RNF31: variants seen among roughly 807,000 people sequenced by gnomAD.
RNF31 encodes the protein ring finger protein 31.
A neutral mutation model predicts 133.6 loss-of-function variants in RNF31; 38 were observed. That is an observed-to-expected ratio of 0.28 (90% CI 0.22 to 0.37). The LOEUF (loss-of-function observed/expected upper bound fraction) is 0.37. Ranked by LOEUF, RNF31 falls within the 10% of genes least tolerant of loss-of-function variation. The probability of loss-of-function intolerance (pLI) is 1.00; values close to 1 mark genes in which losing one functional copy is unlikely to be tolerated. For missense variants in RNF31, 1,118 were observed against 1,394.1 expected, an observed-to-expected ratio of 0.80 and a Z score of 3.15; for synonymous variants, 582 against 552.3, an observed-to-expected ratio of 1.05 and a Z score of -0.75.
rs753936606 is a variant in RNF31, at chr14:24,151,334, C to T, written c.1692C>T (p.Asn564=). Residue 564 remains asparagine, a synonymous_variant, in exon 9 of 21, where the codon AAC becomes AAT. Coordinates refer to ENST00000324103, the MANE Select transcript of RNF31 (RefSeq NM_017999.5). The surrounding 1 kb of genome is among the most constrained non-coding windows in gnomAD (Gnocchi z 5.3). The part of the protein sequence containing the change: ...ARRAWLDRHG[N]LDEAVEECVR... ...GAGCCTGGCTGGATCGTCATGGCAA[C>T]CTTGATGAAGCTGTGGAGGAGTGTG... 3 of 1,614,072 alleles carry T rather than the reference C, an allele frequency of 1.9e-6. No individual in the cohort carries two copies. The Admixed American group carries it at 5.0e-5, about 27-fold the overall frequency.
chr14:24,158,259 A>T, intron 18 of RNF31, 60 bp downstream of exon 18: 1 of 1,525,126 alleles, frequency 6.6e-7, no homozygotes, highest in Non-Finnish European at 9.1e-7. Flanking sequence ...CCACCGTGTG[A>T]TGGGTAAAGG....
chr14:24,148,998 T>C, intron 5 of RNF31, 122 bp downstream of exon 5: 1 of 971,172 alleles, frequency 1.0e-6, no homozygotes, highest in Non-Finnish European at 1.6e-6. Context: ...AGTTTTGCTC[T>C]TGTTGCCCAG....
At chr14:24,152,808 G>A (rs185535745) in intron 11 of RNF31, among the ~76,000 whole-genome samples, 3 of 152,294 alleles carry the variant, frequency 2.0e-5, no homozygotes, top group East Asian at 3.9e-4. Context: ...CAGGCTGGGC[G>A]CGGTGGCTCA....
chr14:24,150,783 C>T lies in RNF31; in HGVS notation c.1383C>T (p.Pro461=). Residue 461 remains proline (P), a synonymous_variant, in exon 8 of 21, where the codon CCC becomes CCT. Coordinates refer to ENST00000324103, the MANE Select transcript of RNF31 (RefSeq NM_017999.5). Reference sequence around the variant, plus strand: ...AAAAGGGACCCCCCAAGCCTGGGCCCCCACGACGCCTTAGTGCCCCCCTGC... The same window carrying T: ...AAAAGGGACCCCCCAAGCCTGGGCCTCCACGACGCCTTAGTGCCCCCCTGC... ...SLEKGPPKPG[P]PRRLSAPLPS... is the part of the protein sequence containing the mutation. 1.9e-6 allele frequency: 3 copies of T among 1,611,020 alleles called. No individual in the cohort carries two copies. Among genetic ancestry groups the T allele is most frequent in the South Asian group, 2.2e-5 (2 of 90,864 alleles).
chr14:24,156,944 T>C (rs1257034633), intron 14 of RNF31, among the ~76,000 whole-genome samples: 1 of 152,028 alleles, frequency 6.6e-6, no homozygotes, highest in Non-Finnish European at 1.5e-5. Context: ...ATGGGGAGAA[T>C]TGACCCTAGG....
At chr14:24,149,154 G>T in intron 5 of RNF31, 1 of 593,480 alleles carries the variant, frequency 1.7e-6, no homozygotes, top group Middle Eastern at 4.5e-4. Context: ...GTAGAGATGG[G>T]GTTTCTCCAT....
chr14:24,151,884 G>A lies in RNF31; in HGVS notation c.2022G>A (p.Glu674=), dbSNP rs941943409. The A allele has an allele frequency of 1.2e-6, 2 of 1,614,228 alleles. No individual in the cohort carries two copies. The highest frequency in any genetic ancestry group is 1.7e-6 in the Non-Finnish European group (2 of 1,180,042). ...SLLQETPRNY[E]LGDVVEAVRH... ...TGCAGGAGACACCCAGGAACTATGA[G>A]TTGGGGGATGTGGTAGAAGCTGTGA... Residue 674 remains glutamate, a synonymous_variant, in exon 11 of 21, where the codon GAG becomes GAA. Coordinates refer to ENST00000324103, the MANE Select transcript of RNF31 (RefSeq NM_017999.5). This position sits in a 1 kb window ranked among gnomAD's most constrained non-coding sequence, Gnocchi z 5.3.
intron 18 of RNF31, among the ~76,000 whole-genome samples, chr14:24,158,877 CA>C (rs1382490498): frequency 6.6e-6 from 1 of 150,734 alleles, no homozygotes; most frequent in East Asian, 1.9e-4. Flanking sequence ...ACTAAAAATA[CA>C]AAAAATTAGC....
intron 14 of RNF31, among the ~76,000 whole-genome samples, chr14:24,156,684 C>T (rs1343910348): frequency 1.3e-5 from 2 of 151,642 alleles, no homozygotes; most frequent in African/African-American, 4.8e-5. Context: ...GAGGCTGAGG[C>T]AGGAGAATCG....
At chr14:24,159,584 C>CAAAAAA (rs59295225) in intron 18 of RNF31, among the ~76,000 whole-genome samples, 9 of 82,176 alleles carry the variant, frequency 1.1e-4, no homozygotes, top group South Asian at 4.0e-4. Flanking sequence ...AAATAACAAC[C>CAAAAAA]AAAAAAAAAA....
In RNF31 at chr14:24,160,464, T is replaced by G; in HGVS notation, c.3166-56T>G. 6.3e-7 allele frequency: 1 copy of G among 1,583,528 alleles called. No homozygotes were observed. Among genetic ancestry groups the G allele is most frequent in the East Asian group, 2.3e-5 (1 of 44,322 alleles). Reference sequence around the variant, plus strand: ...CCACCCTACAGAAGTCACCTGGTGCTGACTGTGTCTGAGCTCCAGGCTTCC... The same window carrying G: ...CCACCCTACAGAAGTCACCTGGTGCGGACTGTGTCTGAGCTCCAGGCTTCC... On this transcript the variant is annotated intron_variant, in intron 20 of 20. Coordinates refer to ENST00000324103, the MANE Select transcript of RNF31 (RefSeq NM_017999.5). The surrounding 1 kb of genome is among the most constrained non-coding windows in gnomAD (Gnocchi z 4.0).
At chr14:24,158,599 GT>G (rs1167955838) in intron 18 of RNF31, 2 of 214,802 alleles carry the variant, frequency 9.3e-6, no homozygotes, top group African/African-American at 4.6e-5. Context: ...GTAGACAGAG[GT>G]AAGTCTACAG....
chr14:24,149,465 T>G lies in RNF31; in HGVS notation c.691T>G (p.Ser231Ala). The G allele has an allele frequency of 6.2e-7, 1 of 1,614,166 alleles. No individual in the cohort carries two copies. The highest frequency in any genetic ancestry group is 8.5e-7 in the Non-Finnish European group (1 of 1,180,024). ...TGCCCCAGGCACACTGCACTGCCCA[T>G]CCTGTAAACAGGCCCTGTGTCCAGC... ...GSAPGTLHCPSCKQALCPACD... is the reference protein window; with the variant it reads ...GSAPGTLHCPACKQALCPACD... The change falls in exon 6 of 21, where the codon TCC becomes GCC. Residue 231 changes from serine (S) to alanine (A), a missense_variant. Physicochemically the swap from Ser to Ala is moderately conservative, Grantham distance 99. Transcript: ENST00000324103.
intron 18 of RNF31, among the ~76,000 whole-genome samples, chr14:24,159,301 T>G (rs1033668780): frequency 4.8e-5 from 7 of 146,274 alleles, no homozygotes; most frequent in Non-Finnish European, 7.4e-5. Flanking sequence ...GAGCCAAGAT[T>G]GCGCCATTGC....
Position 24,147,963 on chromosome 14 carries a change from T to A in RNF31, c.193-13T>A. On this transcript the variant is annotated splice_polypyrimidine_tract_variant and intron_variant, in intron 1 of 20. Transcript: ENST00000324103. Reference sequence around the variant, plus strand: ...AGGCCACGCTCACACCTCTCTGCTCTCCTTGCTCCCAGCCCCGAAACTACC... The same window carrying A: ...AGGCCACGCTCACACCTCTCTGCTCACCTTGCTCCCAGCCCCGAAACTACC... The A allele has an allele frequency of 6.2e-7, 1 of 1,614,188 alleles. No homozygotes were observed. Among genetic ancestry groups the A allele is most frequent in the Non-Finnish European group, 8.5e-7 (1 of 1,180,030 alleles).
chr14:24,155,114 C>G lies in RNF31; in HGVS notation c.2131-43C>G, dbSNP rs1334595077. ...CACTGCCTCTTCCCTAGCCTGGCAG[C>G]TGTGGCTTCTGACCCCCTCCCCTCC... is the stretch of plus-strand genomic sequence containing the variant. On this transcript the variant is annotated intron_variant, in intron 11 of 20. Transcript: ENST00000324103. The surrounding 1 kb of genome is among the most constrained non-coding windows in gnomAD (Gnocchi z 4.9). 1 of 1,591,778 alleles carries G rather than the reference C, an allele frequency of 6.3e-7. No individual in the cohort carries two copies.
Position 24,150,768 on chromosome 14 carries a change from C to T in RNF31, c.1368C>T (p.Pro456=), listed in dbSNP as rs780232998. The stretch of plus-strand genomic sequence containing the variant: ...ATGCCAGCTCTTTGGAAAAGGGACC[C>T]CCCAAGCCTGGGCCCCCACGACGCC... ...RPYASSLEKG[P]PKPGPPRRLS... The change falls in exon 8 of 21, where the codon CCC becomes CCT. Residue 456 remains proline (P), a synonymous_variant. Coordinates refer to ENST00000324103, the MANE Select transcript of RNF31 (RefSeq NM_017999.5). 2.5e-6 allele frequency: 4 copies of T among 1,612,426 alleles called. No homozygotes were observed. The highest frequency in any genetic ancestry group is 3.4e-6 in the Non-Finnish European group (4 of 1,179,014).
chr14:24,157,556 G>T lies in RNF31; in HGVS notation c.2645G>T (p.Arg882Leu), dbSNP rs781285193. Residue 882 changes from arginine to leucine, a missense_variant, in exon 16 of 21, where the codon CGA becomes CTA. Arg to Leu is a moderately radical substitution (Grantham distance 102). Transcript: ENST00000324103. ...TGCAAGTTCTCGTACGCCCTGGCCCGAGGAGGCTGCATGCACTTTCACTGT... is the reference window on the plus strand; with the variant it reads ...TGCAAGTTCTCGTACGCCCTGGCCCTAGGAGGCTGCATGCACTTTCACTGT... The part of the protein sequence containing the change: ...PKCKFSYALA[R>L]GGCMHFHCTQ... 6.2e-7 allele frequency: 1 copy of T among 1,614,148 alleles called. No homozygotes were observed. Among genetic ancestry groups the T allele is most frequent in the Non-Finnish European group, 8.5e-7 (1 of 1,180,034 alleles).
chr14:24,150,350 G>T lies in RNF31; in HGVS notation c.1099G>T (p.Ala367Ser). Reference protein sequence around the residue: ...QSCTFENEAAAVLCSICERPR... With the variant: ...QSCTFENEAASVLCSICERPR... Reference sequence around the variant, plus strand: ...CTGTACCTTTGAGAATGAGGCAGCTGCTGTGCTATGTTCCATATGTGAGCG... The same window carrying T: ...CTGTACCTTTGAGAATGAGGCAGCTTCTGTGCTATGTTCCATATGTGAGCG... Residue 367 changes from alanine (A) to serine (S), a missense_variant, in exon 7 of 21, where the codon GCT becomes TCT. Physicochemically the swap from Ala to Ser is moderately conservative, Grantham distance 99. Transcript: ENST00000324103. 1 of 1,614,174 alleles carries T rather than the reference G, an allele frequency of 6.2e-7. No individual in the cohort carries two copies.
Sources: allele counts gnomAD v4.1 joint callset (sites outside exome capture counted in the v4.1 genomes callset), GRCh38; gene constraint gnomAD v4.1.1; non-coding constraint Gnocchi (gnomAD v3.1); transcripts MANE v1.5; gene names NCBI Gene and HGNC (gene_info 2026-07-23, HGNC 2026-07-21).